Variants in ZNF516 observed in about 807,000 individuals in gnomAD.
ZNF516 encodes the protein zinc finger protein 516.
A neutral mutation model predicts 79.7 loss-of-function variants in ZNF516; 19 were observed. That is an observed-to-expected ratio of 0.24 (90% CI 0.17 to 0.35). ZNF516 has a LOEUF of 0.35. Ranked by LOEUF, ZNF516 falls within the 10% of genes least tolerant of loss-of-function variation. ZNF516 has a pLI of 1.00. For synonymous variants in ZNF516, 877 were observed against 739.5 expected (o/e 1.19, Z -3.02); for missense variants, 1,678 against 1,679.5 (o/e 1.00, Z 0.02).
chr18:76,464,107 T>G (rs1178439222), intron 1 of ZNF516, among the ~76,000 whole-genome samples: 1 of 152,018 alleles, frequency 6.6e-6, no homozygotes, highest in African/African-American at 2.4e-5. Context: ...GTGGATCACT[T>G]GAGGTCAGGA....
intron 3 of ZNF516, among the ~76,000 whole-genome samples, chr18:76,382,435 T>C (rs1217344514): frequency 6.6e-6 from 1 of 152,174 alleles, no homozygotes; most frequent in African/African-American, 2.4e-5. Context: ...TGAACACACA[T>C]GTCCAAGACT....
At chr18:76,423,738 AC>A (rs2075543571) in intron 3 of ZNF516, among the ~76,000 whole-genome samples, 2 of 149,816 alleles carry the variant, frequency 1.3e-5, no homozygotes, top group African/African-American at 2.5e-5. Context: ...CCCTCCTGAA[AC>A]ATACACACGC....
chr18:76,458,366 GC>G (rs1267440650), intron 2 of ZNF516, among the ~76,000 whole-genome samples: 3 of 152,216 alleles, frequency 2.0e-5, no homozygotes, highest in African/African-American at 7.2e-5. Flanking sequence ...ACAAAAAGGT[GC>G]TTTGCAAGGA....
intron 2 of ZNF516, among the ~76,000 whole-genome samples, chr18:76,444,229 G>A (rs1279252528): frequency 6.6e-6 from 1 of 152,230 alleles, no homozygotes; most frequent in Non-Finnish European, 1.5e-5. Context: ...CAGCGTCTGA[G>A]TGTTCAAGAG....
chr18:76,384,805 C>A (rs914813656), intron 3 of ZNF516, among the ~76,000 whole-genome samples: 1 of 152,130 alleles, frequency 6.6e-6, no homozygotes, highest in African/African-American at 2.4e-5. Flanking sequence ...CCTCAGTCCC[C>A]ACCAATCTGA....
chr18:76,374,090 T>G (rs2048724290), intron 4 of ZNF516, among the ~76,000 whole-genome samples: 1 of 152,204 alleles, frequency 6.6e-6, no homozygotes, highest in African/African-American at 2.4e-5. Context: ...ATGAAAAAGA[T>G]TCTACAAAGA....
At chr18:76,475,074 T>C (rs1432187301) in intron 1 of ZNF516, among the ~76,000 whole-genome samples, 2 of 152,206 alleles carry the variant, frequency 1.3e-5, no homozygotes, top group African/African-American at 4.8e-5. Context: ...GCTACCTGAA[T>C]GTTTCTGTAT....
At chr18:76,487,866 G>A (rs1316115227) in intron 1 of ZNF516, 7 of 905,486 alleles carry the variant, frequency 7.7e-6, no homozygotes, top group Non-Finnish European at 9.2e-6. Context: ...ATAGGCTGCT[G>A]CCACTACACT....
chr18:76,492,270 C>T lies in ZNF516; in HGVS notation c.-272+2874G>A, dbSNP rs1915275600. ...GCTCAGGTCGGGTCCGTACGCTTCC[C>T]GAGGTGCGTACTACGCGAGCCACAC... On this transcript the variant is annotated intron_variant, in intron 1 of 6. Transcript: ENST00000443185. 4 of 985,342 alleles carry T rather than the reference C, an allele frequency of 4.1e-6. No homozygotes were observed. In the South Asian group the frequency reaches 1.9e-4, roughly 46 times the overall value. 61.0% of individuals were successfully genotyped at this position (985,342 alleles called of 1,614,324 possible).
At chr18:76,411,420 C>T (rs2075370984) in intron 3 of ZNF516, among the ~76,000 whole-genome samples, 1 of 152,166 alleles carries the variant, frequency 6.6e-6, no homozygotes, top group Admixed American at 6.5e-5. Context: ...GTCGCGGCTT[C>T]AACAAAAATA....
chr18:76,433,726 G>A (rs1599081403), intron 3 of ZNF516, among the ~76,000 whole-genome samples: 1 of 152,212 alleles, frequency 6.6e-6, no homozygotes, highest in Non-Finnish European at 1.5e-5. Flanking sequence ...GAATCCGTGC[G>A]TTAAGCAAAC....
In ZNF516 at chr18:76,377,687, C is replaced by T. The variant is rs1315664565; in HGVS notation, c.3259+1168G>A. 4.0e-5 allele frequency among the ~76,000 whole-genome samples: 6 copies of T among 151,604 alleles called. No homozygotes were observed. In the South Asian group the frequency reaches 1.2e-3, roughly 32 times the overall value. On this transcript the variant is annotated intron_variant, in intron 4 of 6. Coordinates refer to ENST00000443185, the MANE Select transcript of ZNF516 (RefSeq NM_014643.4). Reference sequence around the variant, plus strand: ...ATCTCAGATGTTCTAATGGTAACCACTTTAAGAAACCACAGGCTTACAACG... The same window carrying T: ...ATCTCAGATGTTCTAATGGTAACCATTTTAAGAAACCACAGGCTTACAACG...
In ZNF516 at chr18:76,370,553, G is replaced by C; in HGVS notation, c.3407C>G (p.Thr1136Ser). ...TTGTTTGGGGGCGTCTGCGGAGGTGGTATGAACTTCAGAACCCCGAGGCCC... is the reference window on the plus strand; with the variant it reads ...TTGTTTGGGGGCGTCTGCGGAGGTGCTATGAACTTCAGAACCCCGAGGCCC... ...SDGPRGSEVH[T>S]TSADAPKQGR... The change falls in exon 6 of 7, where the codon ACC (threonine) becomes AGC (serine). Residue 1136 changes from threonine (T) to serine (S), a missense_variant. By Grantham distance (58) the Thr-to-Ser change is moderately conservative. Around this residue, in one of 5 missense-constraint regions of ZNF516, gnomAD observed 1,294 missense variants for 1,248.3 expected, o/e 1.04. Coordinates refer to ENST00000443185, the MANE Select transcript of ZNF516 (RefSeq NM_014643.4). 1.9e-6 allele frequency: 3 copies of C among 1,608,502 alleles called. No homozygotes were observed. The highest frequency in any genetic ancestry group is 1.7e-6 in the Non-Finnish European group (2 of 1,177,184).
rs759028432 is a variant in ZNF516, at chr18:76,442,070, C to T, written c.985G>A (p.Ala329Thr). 1.2e-6 allele frequency: 2 copies of T among 1,614,002 alleles called. No homozygotes were observed. Among genetic ancestry groups the T allele is most frequent in the South Asian group, 1.1e-5 (1 of 91,080 alleles). The change falls in exon 3 of 7, where the codon GCC (alanine) becomes ACC (threonine). Residue 329 changes from alanine (A) to threonine (T), a missense_variant. Ala to Thr is a moderately conservative substitution (Grantham distance 58). Coordinates refer to ENST00000443185, the MANE Select transcript of ZNF516 (RefSeq NM_014643.4). ...CAGACCTCGTAGAGGCTCAGGCCGG[C>T]GACGATCACCTCCTCCTGGACCACG... ...NNVVQEEVIV[A>T]GLSLYEVCAK...
At chr18:76,437,677 C>T (rs1221014210) in intron 3 of ZNF516, among the ~76,000 whole-genome samples, 3 of 152,132 alleles carry the variant, frequency 2.0e-5, no homozygotes, top group South Asian at 2.1e-4. Flanking sequence ...GTGTAACCCA[C>T]GCACATCCTC....
rs1249516137 is a variant in ZNF516 at position 76,441,226 on chromosome 18, C to T, written c.1810+19G>A. On this transcript the variant is annotated intron_variant, in intron 3 of 6. Coordinates refer to ENST00000443185, the MANE Select transcript of ZNF516 (RefSeq NM_014643.4). ...GCCTGGGATCCCAGGACCCAGGCCA[C>T]CTGGGTACACTTGCTCACCTGGTGC... 14 of 1,603,472 alleles carry T rather than the reference C, an allele frequency of 8.7e-6. No homozygotes were observed. The highest frequency in any genetic ancestry group is 1.2e-5 in the Non-Finnish European group (14 of 1,176,066).
At chr18:76,369,912 G>A (rs1358625165) in intron 6 of ZNF516, among the ~76,000 whole-genome samples, 1 of 152,156 alleles carries the variant, frequency 6.6e-6, no homozygotes, top group Non-Finnish European at 1.5e-5. Context: ...CGGGCTGTGG[G>A]TGCCTCTCTA....
chr18:76,369,019 G>C (rs558984442), intron 6 of ZNF516, among the ~76,000 whole-genome samples: 3 of 152,292 alleles, frequency 2.0e-5, no homozygotes, highest in South Asian at 2.1e-4. Context: ...GTCTTTGGTG[G>C]GTTGAACGGG....
intron 2 of ZNF516, among the ~76,000 whole-genome samples, chr18:76,460,297 G>A (rs955210732): frequency 2.0e-5 from 3 of 152,184 alleles, no homozygotes; most frequent in African/African-American, 7.2e-5. Flanking sequence ...GAGGGTCAAA[G>A]CTGTGAGCCA....
Sources: allele counts gnomAD v4.1 joint callset (sites outside exome capture counted in the v4.1 genomes callset), GRCh38; gene constraint gnomAD v4.1.1; regional missense constraint gnomAD v4.1.1; transcripts MANE v1.5; gene names NCBI Gene and HGNC (gene_info 2026-07-23, HGNC 2026-07-21).